Variants in FCGR2A observed in about 807,000 individuals in gnomAD.
FCGR2A encodes the protein Fc gamma receptor IIa, also known as low affinity immunoglobulin gamma Fc region receptor II-a.
A neutral mutation model predicts 29.3 loss-of-function variants in FCGR2A; 18 were observed. That is an observed-to-expected ratio of 0.62 (90% CI 0.43 to 0.91). FCGR2A has a LOEUF of 0.91. Among genes scored for constraint, FCGR2A ranks in the 40% least tolerant of loss-of-function variants. The pLI is 0.00. For synonymous variants in FCGR2A, 126 were observed against 144.8 expected (o/e 0.87, Z 0.93); for missense variants, 287 against 393.0 (o/e 0.73, Z 2.28).
chr1:161,523,981 G>A (rs1163068399), downstream of FCGR2A: 1 of 154,726 alleles, frequency 6.5e-6, no homozygotes, highest in Admixed American at 6.3e-5. Context: ...CATTCACTAA[G>A]GAACCAGGCA....
Position 161,506,139 on chromosome 1 carries a change from C to T in FCGR2A, c.106+132C>T, listed in dbSNP as rs544292945. ...GCTTGGGTTCAGCATGGGCAGTTCC[C>T]CCATTTTAGTGGGGTCTGGGATTTG... On this transcript the variant is annotated intron_variant, in intron 2 of 6. Coordinates refer to ENST00000271450, the MANE Select transcript of FCGR2A (RefSeq NM_001136219.3). The T allele has an allele frequency of 1.3e-4, 171 of 1,271,990 alleles. 1 individual carries two copies. The highest frequency in any genetic ancestry group is 1.2e-3 in the South Asian group (96 of 83,072). 78.8% of individuals were successfully genotyped at this position (1,271,990 alleles called of 1,614,324 possible).
rs1676329179 is a variant in FCGR2A at position 161,519,115 on chromosome 1, G to A, written c.*967G>A. 6.3e-6 allele frequency: 1 copy of A among 159,954 alleles called. No individual in the cohort carries two copies. Among genetic ancestry groups the A allele is most frequent in the Non-Finnish European group, 1.4e-5 (1 of 71,900 alleles). 9.9% of individuals were successfully genotyped at this position (159,954 alleles called of 1,614,324 possible). On this transcript the variant is annotated 3_prime_UTR_variant, in exon 7 of 7. Transcript: ENST00000271450. ...TGGGATTTGAGAAGAGAATTAGAGA[G>A]GTGAGGATCTGGTATTTCCTGGACT...
rs575249356 is a variant in FCGR2A at position 161,518,582 on chromosome 1, C to G, written c.*434C>G. 5.5e-6 allele frequency: 1 copy of G among 180,486 alleles called. No individual in the cohort carries two copies. Among genetic ancestry groups the G allele is most frequent in the Admixed American group, 5.5e-5 (1 of 18,336 alleles). The allele number at this position is 180,486 out of a possible 1,614,324, so 11.2% of individuals were successfully genotyped here. A position where few individuals can be genotyped will look rare whatever the true frequency, so the allele number is the denominator to read the frequency against. On this transcript the variant is annotated 3_prime_UTR_variant, in exon 7 of 7. Transcript: ENST00000271450. The stretch of plus-strand genomic sequence containing the variant: ...GACATTTTGCCACTGGAACACTAAA[C>G]TTCATGAATTGCGCCTCAGATTTTT...
chr1:161,511,330 G>C (rs954139885), intron 5 of FCGR2A, among the ~76,000 whole-genome samples: 2 of 152,112 alleles, frequency 1.3e-5, no homozygotes, highest in Non-Finnish European at 2.9e-5. Flanking sequence ...TATGAGGGGG[G>C]AGTAGATAGG....
chr1:161,511,964 C>G (rs978318226), intron 5 of FCGR2A, among the ~76,000 whole-genome samples: 2 of 152,128 alleles, frequency 1.3e-5, no homozygotes, highest in African/African-American at 2.4e-5. Context: ...GGGCTCAAAT[C>G]GCTTGGTCAA....
chr1:161,506,196 G>C, intron 2 of FCGR2A, 138 bp from the exon 3 acceptor site: 1 of 1,331,118 alleles, frequency 7.5e-7, no homozygotes, highest in Admixed American at 1.8e-5. Context: ...CCAAGGGAAT[G>C]AGGCCGCTGC....
At chr1:161,511,888 A>G (rs1675814773) in intron 5 of FCGR2A, among the ~76,000 whole-genome samples, 1 of 152,216 alleles carries the variant, frequency 6.6e-6, no homozygotes, top group African/African-American at 2.4e-5. Flanking sequence ...GACCTGAGCC[A>G]GCGAGAAGGG....
Position 161,510,887 on chromosome 1 carries a change from G to T in FCGR2A, c.673G>T (p.Ala225Ser). Residue 225 changes from alanine to serine, a missense_variant, in exon 5 of 7, where the codon GCG becomes TCG. Physicochemically the swap from Ala to Ser is moderately conservative, Grantham distance 99 (BLOSUM62 1). This residue lies in a region of FCGR2A where 72 missense variants were observed against 68.6 expected (regional missense o/e 1.05). Coordinates refer to ENST00000271450, the MANE Select transcript of FCGR2A (RefSeq NM_001136219.3). ...PMGIIVAVVI[A>S]TAVAAIVAAV... ...GGGGATCATTGTGGCTGTGGTCATT[G>T]CGACTGCTGTAGCAGCCATTGTTGC... The T allele has an allele frequency of 1.2e-6, 2 of 1,614,206 alleles. No individual in the cohort carries two copies. The highest frequency in any genetic ancestry group is 1.7e-6 in the Non-Finnish European group (2 of 1,180,040).
chr1:161,510,469 C>T (rs1369576654), intron 4 of FCGR2A: 1 of 457,530 alleles, frequency 2.2e-6, no homozygotes, highest in Non-Finnish European at 4.0e-6. Context: ...ATGGACTGTT[C>T]AAGGCTGTGC....
chr1:161,518,206 A>G lies in FCGR2A; in HGVS notation c.*58A>G. On this transcript the variant is annotated 3_prime_UTR_variant, in exon 7 of 7. Coordinates refer to ENST00000271450, the MANE Select transcript of FCGR2A (RefSeq NM_001136219.3). ...AGCTTGCTGAGTGGATGACAAAAAGAGGGGAATTGTTAAAGGAAAATTTAA... is the reference window on the plus strand; with the variant it reads ...AGCTTGCTGAGTGGATGACAAAAAGGGGGGAATTGTTAAAGGAAAATTTAA... 6.3e-7 allele frequency: 1 copy of G among 1,577,278 alleles called. No homozygotes were observed. The highest frequency in any genetic ancestry group is 8.6e-7 in the Non-Finnish European group (1 of 1,163,910).
chr1:161,510,430 GC>G, intron 4 of FCGR2A: 1 of 495,228 alleles, frequency 2.0e-6, no homozygotes, highest in Admixed American at 3.2e-5. Flanking sequence ...TCATGTTATA[GC>G]CATTCACTCC....
chr1:161,509,128 C>T (rs928037521), intron 3 of FCGR2A, among the ~76,000 whole-genome samples: 1 of 152,206 alleles, frequency 6.6e-6, no homozygotes, highest in Non-Finnish European at 1.5e-5. Context: ...AGGCCTCTTC[C>T]GCCATGTGAG....
At chr1:161,508,999 A>G (rs1031793408) in intron 3 of FCGR2A, among the ~76,000 whole-genome samples, 2 of 149,790 alleles carry the variant, frequency 1.3e-5, no homozygotes, top group African/African-American at 4.9e-5. Flanking sequence ...CAAAATTCAT[A>G]TGATATGAAT....
At chr1:161,522,487 G>T (rs1040994676), downstream of FCGR2A, among the ~76,000 whole-genome samples, 10 of 152,042 alleles carry the variant, frequency 6.6e-5, no homozygotes, top group African/African-American at 2.4e-4. Context: ...AGAGAAGGTT[G>T]GAGGAGCCCA....
At chr1:161,522,508 C>T (rs10919170), downstream of FCGR2A, among the ~76,000 whole-genome samples, 26 of 152,054 alleles carry the variant, frequency 1.7e-4, 1 homozygote, top group South Asian at 3.3e-3. Flanking sequence ...CACAAGACAG[C>T]CCCTTAACAC....
At chr1:161,509,529 G>GTTAA (rs978872263) in intron 3 of FCGR2A, among the ~76,000 whole-genome samples, 1 of 152,190 alleles carries the variant, frequency 6.6e-6, no homozygotes, top group African/African-American at 2.4e-5. Flanking sequence ...AGCCTCTACA[G>GTTAA]TTACTGAAAT....
At chr1:161,507,438 C>G (rs531950697) in intron 3 of FCGR2A, among the ~76,000 whole-genome samples, 1 of 152,296 alleles carries the variant, frequency 6.6e-6, no homozygotes, top group East Asian at 1.9e-4. Context: ...ACTGTTTCTA[C>G]CTGCTTCCAA....
chr1:161,511,907 G>A (rs537979884), intron 5 of FCGR2A, among the ~76,000 whole-genome samples: 38 of 152,320 alleles, frequency 2.5e-4, no homozygotes, highest in Admixed American at 5.2e-4. Context: ...GGGCTTGTGC[G>A]AGTTCAGCTG....
At chr1:161,521,978 G>A (rs3002599), downstream of FCGR2A, among the ~76,000 whole-genome samples, 6 of 151,054 alleles carry the variant, frequency 4.0e-5, no homozygotes, top group Admixed American at 1.3e-4. Flanking sequence ...TTTAAGGTCG[G>A]TTCTATTTTT....
Sources: allele counts gnomAD v4.1 joint callset (sites outside exome capture counted in the v4.1 genomes callset), GRCh38; gene constraint gnomAD v4.1.1; regional missense constraint gnomAD v4.1.1; transcripts MANE v1.5; gene names NCBI Gene and HGNC (gene_info 2026-07-23, HGNC 2026-07-21).